The following SPATA24 variants were observed in gnomAD, a reference collection of about 807,000 sequenced individuals.
SPATA24 encodes the protein spermatogenesis-associated protein 24.
In SPATA24, 21 loss-of-function variants were observed where a neutral mutation model predicts 28.9. That is an observed-to-expected ratio of 0.73 (90% CI 0.52 to 1.05). SPATA24 has a LOEUF of 1.05. SPATA24 is among the 50% of genes least tolerant of loss of function. SPATA24 has a pLI of 0.00. For synonymous variants in SPATA24, 76 were observed against 89.9 expected (o/e 0.85, Z 0.88); for missense variants, 215 against 242.9 (o/e 0.88, Z 0.76).
At chr5:139,401,451 G>A (rs1166054424) in intron 4 of SPATA24, 2 of 616,320 alleles carry the variant, frequency 3.2e-6, no homozygotes, top group African/African-American at 1.8e-5. Flanking sequence ...GTATCAGTTA[G>A]GAGTAACCCA....
At position 139,403,943 on chromosome 5, in the gene SPATA24, C is replaced by A; in HGVS notation, c.117+1G>T. 6.4e-7 allele frequency: 1 copy of A among 1,551,276 alleles called. No homozygotes were observed. Among genetic ancestry groups the A allele is most frequent in the Non-Finnish European group, 8.7e-7 (1 of 1,146,560 alleles). On this transcript the variant is annotated splice_donor_variant, in intron 1 of 5. Transcript: ENST00000450845. LOFTEE classifies it high-confidence loss of function. ...CTCCCCAAACTCCTCTGGCTGCATA[C>A]CACGTTCCTCAGCTGGTGGATTAGT... is the stretch of plus-strand genomic sequence containing the variant.
At position 139,402,699 on chromosome 5, in the gene SPATA24, A is replaced by G; in HGVS notation, c.118-6T>C. On this transcript the variant is annotated splice_polypyrimidine_tract_variant and splice_region_variant and intron_variant, in intron 1 of 5. Coordinates refer to ENST00000450845, the MANE Select transcript of SPATA24 (RefSeq NM_194296.2). ...TTTTCGTCCTGGAGAACCATCTGCA[A>G]CAGAGCCTGGCTGAGGGAGGGCCTG... 6.4e-7 allele frequency: 1 copy of G among 1,551,748 alleles called. No homozygotes were observed. Among genetic ancestry groups the G allele is most frequent in the Non-Finnish European group, 8.7e-7 (1 of 1,146,916 alleles).
At chr5:139,393,658 G>A (rs1758639126), downstream of SPATA24, 1 of 1,550,646 alleles carries the variant, frequency 6.4e-7, no homozygotes, top group Non-Finnish European at 8.7e-7. Flanking sequence ...CAGGGAAGGG[G>A]CTTCGAGGGA....
At chr5:139,392,625 C>A, downstream of SPATA24, 1 of 1,381,430 alleles carries the variant, frequency 7.2e-7, no homozygotes, top group South Asian at 1.8e-5. The surrounding 1 kb of genome is among the most constrained non-coding windows in gnomAD (Gnocchi z 5.8). Context: ...TAGGTGGTGT[C>A]TTCGGTTTGG....
chr5:139,402,118 C>G (rs1369429049), intron 2 of SPATA24, 73 bp from the exon 3 acceptor site: 6 of 1,495,008 alleles, frequency 4.0e-6, no homozygotes, highest in South Asian at 2.6e-5. Flanking sequence ...AACCAGCCCC[C>G]CTTCTCAGAG....
intron 4 of SPATA24, among the ~76,000 whole-genome samples, chr5:139,399,019 G>A (rs148793835): frequency 0.02 from 1,084 of 53,236 alleles, 404 homozygotes; most frequent in African/African-American, 0.17. Context: ...GCGAGATTCC[G>A]CTTCAAAAAA....
chr5:139,394,459 C>G (rs1328668374), downstream of SPATA24: 2 of 1,402,718 alleles, frequency 1.4e-6, no homozygotes, highest in African/African-American at 3.1e-5. Context: ...CTCGATCTGA[C>G]GCTTGGGCAC....
At chr5:139,400,643 G>A (rs1019696130) in intron 4 of SPATA24, among the ~76,000 whole-genome samples, 12 of 151,984 alleles carry the variant, frequency 7.9e-5, no homozygotes, top group African/African-American at 2.7e-4. Flanking sequence ...TTAGCATTCC[G>A]GGAAATGAAA....
rs1226688016 is a variant in SPATA24, at chr5:139,400,195, T to C, written c.385+1560A>G. On this transcript the variant is annotated intron_variant, in intron 4 of 5. Transcript: ENST00000450845. ...AAGGCAGGGTACTCAAGGCTCCACA[T>C]GGGAGCCCCATCAGTAAGGACCTTG... 2.0e-5 allele frequency among the ~76,000 whole-genome samples: 3 copies of C among 151,858 alleles called. 1 individual carries two copies. In the South Asian group the frequency reaches 6.2e-4, roughly 31 times the overall value.
intron 4 of SPATA24, among the ~76,000 whole-genome samples, chr5:139,399,572 G>T (rs1188018926): frequency 6.6e-6 from 1 of 152,202 alleles, no homozygotes; most frequent in Non-Finnish European, 1.5e-5. Context: ...TTGGGAAAAA[G>T]AATTAGAAAT....
downstream of SPATA24, chr5:139,394,323 C>T (rs1462462595): frequency 1.0e-5 from 15 of 1,469,184 alleles, no homozygotes; most frequent in Non-Finnish European, 1.3e-5. Flanking sequence ...TGGCCAACGC[C>T]GTCTGCACGA....
downstream of SPATA24, chr5:139,393,350 T>C (rs1414258445): frequency 6.4e-7 from 1 of 1,551,270 alleles, no homozygotes; most frequent in Non-Finnish European, 8.7e-7. Context: ...GACTGCTGAC[T>C]CCCTCCAAAG....
At chr5:139,400,711 T>C (rs1390034270) in intron 4 of SPATA24, among the ~76,000 whole-genome samples, 4 of 152,162 alleles carry the variant, frequency 2.6e-5, no homozygotes, top group African/African-American at 9.7e-5. Flanking sequence ...CCACAACTTA[T>C]GGCACCAACT....
chr5:139,392,502 G>C, downstream of SPATA24: 2 of 1,351,788 alleles, frequency 1.5e-6, no homozygotes. This position sits in a 1 kb window ranked among gnomAD's most constrained non-coding sequence, Gnocchi z 5.8. Context: ...GCGGGGACCG[G>C]TCCGTGGGAG....
downstream of SPATA24, chr5:139,392,820 G>T (rs940518568): frequency 5.3e-6 from 8 of 1,518,644 alleles, no homozygotes; most frequent in South Asian, 1.2e-5. The surrounding 1 kb of genome is among the most constrained non-coding windows in gnomAD (Gnocchi z 5.8). Context: ...CTCCAGGGCC[G>T]CGCGCTCGCA....
Position 139,397,161 on chromosome 5 carries a change from A to G in SPATA24, c.386-18T>C, listed in dbSNP as rs1310679480. 1 of 1,542,142 alleles carries G rather than the reference A, an allele frequency of 6.5e-7. No individual in the cohort carries two copies. Among genetic ancestry groups the G allele is most frequent in the Non-Finnish European group, 8.8e-7 (1 of 1,138,180 alleles). On this transcript the variant is annotated intron_variant, in intron 4 of 5. Coordinates refer to ENST00000450845, the MANE Select transcript of SPATA24 (RefSeq NM_194296.2). Reference sequence around the variant, plus strand: ...CTCAATCTCTGTGGGGGAGAGAGGCAGGGAGGAGGGGTGGTTCCCATCCCA... The same window carrying G: ...CTCAATCTCTGTGGGGGAGAGAGGCGGGGAGGAGGGGTGGTTCCCATCCCA...
downstream of SPATA24, chr5:139,395,332 C>T: frequency 2.5e-6 from 1 of 396,264 alleles, no homozygotes; most frequent in Admixed American, 4.5e-5. Flanking sequence ...CAAGCTTTGG[C>T]TGACAGGCAG....
intron 2 of SPATA24, 107 bp from the exon 3 acceptor site, chr5:139,402,152 G>A (rs1758839161): frequency 7.3e-7 from 1 of 1,362,370 alleles, no homozygotes; most frequent in Non-Finnish European, 9.7e-7. Flanking sequence ...CCAGAGCACA[G>A]GGAGATTCTG....
chr5:139,393,008 G>T, downstream of SPATA24: 1 of 1,520,788 alleles, frequency 6.6e-7, no homozygotes, highest in Non-Finnish European at 8.8e-7. Context: ...TAGGGGTGCG[G>T]CACCACCGGT....
Sources: gnomAD v4.1 joint callset for allele counts (sites outside exome capture counted in the v4.1 genomes callset) on GRCh38, gnomAD v4.1.1 for gene constraint, Gnocchi (gnomAD v3.1) non-coding constraint, MANE v1.5 for transcripts, NCBI Gene and HGNC (gene_info 2026-07-23, HGNC 2026-07-21) for gene names.